PDE4D: variants seen among roughly 807,000 people sequenced by gnomAD.
PDE4D encodes phosphodiesterase 4D.
A neutral mutation model predicts 87.4 loss-of-function variants in PDE4D; 24 were observed. The observed-to-expected ratio is 0.27, with a 90% CI of 0.20 to 0.39. The LOEUF (loss-of-function observed/expected upper bound fraction) is 0.39, where lower values mean the gene tolerates loss of function less well. Among genes scored for constraint, PDE4D ranks in the 10% least tolerant of loss-of-function variants. PDE4D has a pLI of 1.00. For missense variants in PDE4D, 714 were observed against 1,041.0 expected (o/e 0.69, Z 4.32); for synonymous variants, 384 against 383.2 (o/e 1.00, Z -0.02).
intron 6 of PDE4D, among the ~76,000 whole-genome samples, chr5:59,024,200 C>CT (rs566593585): frequency 0.64 from 72,954 of 114,770 alleles, 23,819 homozygotes; most frequent in East Asian, 0.77. Context: ...CTGAATTCTA[C>CT]TTTTTTTTTT....
intron 2 of PDE4D, among the ~76,000 whole-genome samples, chr5:60,076,440 G>A (rs969667076): frequency 6.6e-6 from 1 of 152,166 alleles, no homozygotes; most frequent in Non-Finnish European, 1.5e-5. Flanking sequence ...TTACAGGTGT[G>A]AGCCACCACG....
intron 1 of PDE4D, among the ~76,000 whole-genome samples, chr5:59,401,354 C>T (rs1049866844): frequency 4.6e-5 from 7 of 151,994 alleles, no homozygotes; most frequent in African/African-American, 1.7e-4. Context: ...CGCTGGAGCC[C>T]AAACGTTCAA....
chr5:59,932,387 T>A (rs986513384), intron 3 of PDE4D, among the ~76,000 whole-genome samples: 2 of 152,218 alleles, frequency 1.3e-5, no homozygotes, highest in Non-Finnish European at 2.9e-5. Flanking sequence ...GACAGTTTTC[T>A]ACTTTGCAAC....
rs141066298 is a variant in PDE4D, at chr5:59,066,548, A to G, written c.809-27577T>C. 1.9e-3 allele frequency among the ~76,000 whole-genome samples: 287 copies of G among 152,234 alleles called. 3 individuals carry two copies. The highest frequency in any genetic ancestry group is 6.7e-3 in the African/African-American group (277 of 41,536). On this transcript the variant is annotated intron_variant, in intron 5 of 14. Coordinates refer to ENST00000340635, the MANE Select transcript of PDE4D (RefSeq NM_001104631.2). ...GAGATGGGCTGGAGAGGATTATGAG[A>G]GATGGATGACTAGCAAAGGAAGTTG...
chr5:59,726,345 C>T (rs1756585626), intron 1 of PDE4D, among the ~76,000 whole-genome samples: 1 of 152,072 alleles, frequency 6.6e-6, no homozygotes, highest in Admixed American at 6.6e-5. Flanking sequence ...ATGTCCCCTT[C>T]AAAATTCACT....
intron 1 of PDE4D, among the ~76,000 whole-genome samples, chr5:59,585,247 T>C (rs1357944790): frequency 6.6e-6 from 1 of 152,142 alleles, no homozygotes; most frequent in African/African-American, 2.4e-5. Context: ...CTGCAATGGA[T>C]TTTTTAGCTG....
chr5:59,819,038 T>C (rs1482474349), intron 1 of PDE4D, among the ~76,000 whole-genome samples: 1 of 152,182 alleles, frequency 6.6e-6, no homozygotes, highest in Non-Finnish European at 1.5e-5. Flanking sequence ...TGGGCTGACA[T>C]TGTCTACTTT....
At chr5:59,440,722 G>C (rs1489796283) in intron 1 of PDE4D, among the ~76,000 whole-genome samples, 2 of 152,118 alleles carry the variant, frequency 1.3e-5, no homozygotes, top group Non-Finnish European at 2.9e-5. Context: ...GTTGTGGTGA[G>C]CCGAGGTTGC....
intron 1 of PDE4D, among the ~76,000 whole-genome samples, chr5:59,816,508 G>C (rs1044839915): frequency 6.6e-6 from 1 of 152,280 alleles, no homozygotes; most frequent in Non-Finnish European, 1.5e-5. Flanking sequence ...GATAAAATAA[G>C]GCACTTACCA....
intron 2 of PDE4D, among the ~76,000 whole-genome samples, chr5:60,139,704 T>C (rs1780360549): frequency 6.6e-6 from 1 of 152,068 alleles, no homozygotes; most frequent in African/African-American, 2.4e-5. Flanking sequence ...TAGGTCTGTT[T>C]TTCTCAAACT....
At chr5:60,440,541 T>C (rs112120328) in intron 1 of PDE4D, among the ~76,000 whole-genome samples, 4,136 of 152,180 alleles carry the variant, frequency 0.027, 84 homozygotes, top group Middle Eastern at 0.078. Flanking sequence ...TGAGGTTCAT[T>C]TGAAGAACTG....
chr5:60,219,599 G>T (rs971958817), intron 1 of PDE4D, among the ~76,000 whole-genome samples: 1 of 152,144 alleles, frequency 6.6e-6, no homozygotes, highest in Admixed American at 6.6e-5. Context: ...CTCACAAAGA[G>T]AATTTCAGTT....
At chr5:59,216,014 G>C in intron 1 of PDE4D, 46 bp from the exon 2 acceptor site, 8 of 1,399,224 alleles carry the variant, frequency 5.7e-6, no homozygotes, top group Non-Finnish European at 7.9e-6. Flanking sequence ...ACATTCACAT[G>C]TTCATATTTT....
intron 1 of PDE4D, among the ~76,000 whole-genome samples, chr5:59,578,759 C>T (rs1360500826): frequency 6.6e-6 from 1 of 152,210 alleles, no homozygotes; most frequent in East Asian, 1.9e-4. Flanking sequence ...TCTCCTTCCA[C>T]CTACCTAATC....
chr5:60,389,346 C>T (rs1583602579), intron 1 of PDE4D, among the ~76,000 whole-genome samples: 1 of 151,846 alleles, frequency 6.6e-6, no homozygotes, highest in African/African-American at 2.4e-5. Flanking sequence ...GTGCATTTTT[C>T]GAAGGAGAGA....
At chr5:60,497,851 T>C (rs1417888448) in intron 1 of PDE4D, among the ~76,000 whole-genome samples, 1 of 152,202 alleles carries the variant, frequency 6.6e-6, no homozygotes. Flanking sequence ...TGTGCTGGTA[T>C]ATTACAGACT....
At position 58,977,051 on chromosome 5, in the gene PDE4D, C is replaced by T. The variant is rs562415958; in HGVS notation, c.1707+140G>A. Reference sequence around the variant, plus strand: ...TTACAGAACATCACAGCCAGCATCACGGGCAGCTTCTATAACATAAAGGGC... The same window carrying T: ...TTACAGAACATCACAGCCAGCATCATGGGCAGCTTCTATAACATAAAGGGC... On this transcript the variant is annotated intron_variant, in intron 12 of 14. Coordinates refer to ENST00000340635, the MANE Select transcript of PDE4D (RefSeq NM_001104631.2). 19 of 713,578 alleles carry T rather than the reference C, an allele frequency of 2.7e-5. No homozygotes were observed. The African/African-American group carries it at 2.9e-4, about 11-fold the overall frequency. The allele number at this position is 713,578 out of a possible 1,614,324, so 44.2% of individuals were successfully genotyped here. A position where few individuals can be genotyped will look rare whatever the true frequency, so the allele number is the denominator to read the frequency against.
intron 5 of PDE4D, among the ~76,000 whole-genome samples, chr5:59,164,353 G>T (rs1248118813): frequency 6.6e-6 from 1 of 152,190 alleles, no homozygotes; most frequent in African/African-American, 2.4e-5. Flanking sequence ...CTCACTGATG[G>T]AAGTATCACA....
chr5:59,762,407 TGTGTATATGGGTACAC>T (rs1762162466), intron 1 of PDE4D, among the ~76,000 whole-genome samples: 1 of 141,654 alleles, frequency 7.1e-6, no homozygotes, highest in African/African-American at 2.7e-5. Context: ...CATGTGTATA[TGTGTATATGGGTACAC>T]ATGTGTATAT....
Sources: gnomAD v4.1 joint callset for allele counts (sites outside exome capture counted in the v4.1 genomes callset) on GRCh38, gnomAD v4.1.1 for gene constraint, MANE v1.5 for transcripts, NCBI Gene and HGNC (gene_info 2026-07-23, HGNC 2026-07-21) for gene names.